Variants in RPS6KC1 observed in about 807,000 individuals in gnomAD.
RPS6KC1 encodes the protein ribosomal protein S6 kinase C1, also known as inactive ribosomal protein S6 kinase delta-1.
Under a neutral mutation model 103.8 loss-of-function variants are expected in RPS6KC1, and 54 were observed. The ratio of observed to expected loss-of-function variants is 0.52; its 90% CI spans 0.42 to 0.65. The LOEUF (loss-of-function observed/expected upper bound fraction) is 0.65. RPS6KC1 is among the 30% of genes least tolerant of loss of function. The pLI is 0.00. For synonymous variants in RPS6KC1, 439 were observed against 438.7 expected, an observed-to-expected ratio of 1.00 and a Z score of -0.01; for missense variants, 1,151 against 1,253.8, an observed-to-expected ratio of 0.92 and a Z score of 1.24.
the RPS6KC1 span, among the ~76,000 whole-genome samples, chr1:213,346,994 A>G: frequency 6.6e-6 from 1 of 152,180 alleles, no homozygotes; most frequent in African/African-American, 2.4e-5. Flanking sequence ...AATACCAGAA[A>G]ACAAAGGAAT....
At chr1:213,059,288 C>T (rs2077610235) in intron 1 of RPS6KC1, among the ~76,000 whole-genome samples, 1 of 152,134 alleles carries the variant, frequency 6.6e-6, no homozygotes, top group African/African-American at 2.4e-5. Context: ...TGTTGTCTGC[C>T]AAAAGGCATA....
chr1:213,764,768 A>G, the RPS6KC1 span, among the ~76,000 whole-genome samples: 1 of 152,188 alleles, frequency 6.6e-6, no homozygotes, highest in Non-Finnish European at 1.5e-5. Context: ...AGCAAGTGGA[A>G]GGGACCAAGC....
chr1:213,083,380 A>G (rs989439824), intron 3 of RPS6KC1, among the ~76,000 whole-genome samples: 1 of 152,168 alleles, frequency 6.6e-6, no homozygotes. Context: ...CAGAATTACT[A>G]TGGACCCATT....
the RPS6KC1 span, among the ~76,000 whole-genome samples, chr1:213,579,211 C>T: frequency 2.0e-5 from 3 of 152,058 alleles, no homozygotes; most frequent in Non-Finnish European, 4.4e-5. Context: ...GACTGTGAGG[C>T]CTTCCTAAGC....
chr1:213,194,738 C>T (rs2092876306), intron 8 of RPS6KC1, among the ~76,000 whole-genome samples: 1 of 152,180 alleles, frequency 6.6e-6, no homozygotes, highest in African/African-American at 2.4e-5. Flanking sequence ...GCTTATGAGA[C>T]TCTTAATGCC....
the RPS6KC1 span, among the ~76,000 whole-genome samples, chr1:213,604,087 C>A: frequency 2.0e-5 from 3 of 151,996 alleles, no homozygotes. Context: ...TCTTTTTTAA[C>A]TTTAGAAAAT....
the RPS6KC1 span, among the ~76,000 whole-genome samples, chr1:213,450,812 C>A: frequency 6.6e-6 from 1 of 152,066 alleles, no homozygotes; most frequent in East Asian, 1.9e-4. Context: ...TCCGTCTCTA[C>A]TAAAAATACA....
chr1:213,445,772 G>C, the RPS6KC1 span, among the ~76,000 whole-genome samples: 20 of 152,238 alleles, frequency 1.3e-4, no homozygotes, highest in Admixed American at 1.2e-3. Context: ...GAGCACAACA[G>C]AAGGCAGAAT....
the RPS6KC1 span, among the ~76,000 whole-genome samples, chr1:213,576,476 C>T: frequency 1.1e-3 from 167 of 150,792 alleles, no homozygotes; most frequent in Middle Eastern, 0.021. Context: ...CTGTCTCTGT[C>T]ACATTTTGGT....
chr1:213,425,924 G>A, the RPS6KC1 span, among the ~76,000 whole-genome samples: 1 of 152,200 alleles, frequency 6.6e-6, no homozygotes. Context: ...CTCTGCAGGA[G>A]ACGCTTGGGT....
chr1:213,189,438 G>A (rs935042733), intron 8 of RPS6KC1, among the ~76,000 whole-genome samples: 2 of 121,364 alleles, frequency 1.6e-5, no homozygotes, highest in African/African-American at 6.6e-5. Context: ...GACAGAGTGA[G>A]CCTTTGTCTC....
At chr1:213,823,308 G>C in the RPS6KC1 span, among the ~76,000 whole-genome samples, 3 of 152,124 alleles carry the variant, frequency 2.0e-5, no homozygotes, top group Non-Finnish European at 2.9e-5. Flanking sequence ...CTACCAACTA[G>C]AGCCTAAGTT....
At chr1:213,475,417 A>T in the RPS6KC1 span, among the ~76,000 whole-genome samples, 1 of 152,144 alleles carries the variant, frequency 6.6e-6, no homozygotes, top group Admixed American at 6.5e-5. Flanking sequence ...GCATTGAAAC[A>T]TCTATAGCTT....
chr1:213,830,386 T>G, the RPS6KC1 span, among the ~76,000 whole-genome samples: 2 of 152,142 alleles, frequency 1.3e-5, no homozygotes, highest in South Asian at 2.1e-4. Context: ...ATGGATAAAC[T>G]TATTAATATG....
At chr1:213,169,614 G>A (rs1394422827) in intron 7 of RPS6KC1, among the ~76,000 whole-genome samples, 2 of 151,306 alleles carry the variant, frequency 1.3e-5, no homozygotes, top group African/African-American at 4.9e-5. Flanking sequence ...CCCATTTTCC[G>A]TGGGATTGAC....
the RPS6KC1 span, among the ~76,000 whole-genome samples, chr1:213,832,300 T>C: frequency 6.6e-6 from 1 of 152,216 alleles, no homozygotes; most frequent in Non-Finnish European, 1.5e-5. Context: ...AGCTACATCC[T>C]CAACCCAATC....
intron 12 of RPS6KC1, among the ~76,000 whole-genome samples, chr1:213,250,724 G>A (rs1420813682): frequency 6.6e-6 from 1 of 152,100 alleles, no homozygotes. Flanking sequence ...TATTAGAGGA[G>A]CATTCCGAAC....
the RPS6KC1 span, among the ~76,000 whole-genome samples, chr1:213,783,512 C>A: frequency 1.3e-5 from 2 of 152,198 alleles, no homozygotes; most frequent in East Asian, 3.9e-4. Flanking sequence ...CATGGAGCTC[C>A]TTCCTTGCTT....
chr1:213,231,722 A>C (rs759454359), intron 9 of RPS6KC1, among the ~76,000 whole-genome samples: 9 of 152,216 alleles, frequency 5.9e-5, no homozygotes, highest in Non-Finnish European at 1.3e-4. Context: ...TGCCTGCTTA[A>C]TCTAAGAATA....
Sources: gnomAD v4.1 joint callset for allele counts (sites outside exome capture counted in the v4.1 genomes callset) on GRCh38, gnomAD v4.1.1 for gene constraint, MANE v1.5 for transcripts, NCBI Gene and HGNC (gene_info 2026-07-23, HGNC 2026-07-21) for gene names.